Variants in ARID2 observed in about 807,000 individuals in gnomAD.
ARID2 encodes AT-rich interactive domain-containing protein 2.
A neutral mutation model predicts 184.6 loss-of-function variants in ARID2; 32 were observed. The ratio of observed to expected loss-of-function variants is 0.17; its 90% CI spans 0.13 to 0.23. The LOEUF (loss-of-function observed/expected upper bound fraction) is 0.23. Ranked by LOEUF, ARID2 falls within the 10% of genes least tolerant of loss-of-function variation. The pLI is 1.00. For missense variants in ARID2, 1,696 were observed against 2,197.6 expected (o/e 0.77, Z 4.56); for synonymous variants, 836 against 772.6 (o/e 1.08, Z -1.36).
intron 3 of ARID2, among the ~76,000 whole-genome samples, chr12:45,798,395 C>G (rs371848862): frequency 6.6e-6 from 1 of 152,142 alleles, no homozygotes. Context: ...TACAGGAAAT[C>G]TGGAAAACCA....
chr12:45,868,604 T>A (rs1399961925), intron 16 of ARID2, among the ~76,000 whole-genome samples: 1 of 152,246 alleles, frequency 6.6e-6, no homozygotes, highest in Non-Finnish European at 1.5e-5. Flanking sequence ...ATTTTTTGCT[T>A]TGTAATACAT....
At chr12:45,830,633 CT>C (rs537996063) in intron 6 of ARID2, among the ~76,000 whole-genome samples, 38 of 149,220 alleles carry the variant, frequency 2.5e-4, no homozygotes, top group South Asian at 1.1e-3. Flanking sequence ...GAATTATATA[CT>C]TTTTTTTTTA....
At chr12:45,876,077 C>T (rs978863069) in intron 16 of ARID2, among the ~76,000 whole-genome samples, 7 of 152,230 alleles carry the variant, frequency 4.6e-5, no homozygotes, top group Non-Finnish European at 1.0e-4. Context: ...TAAACTTAAT[C>T]ATTTCTAGCT....
At chr12:45,825,574 A>T (rs1410548285) in intron 6 of ARID2, among the ~76,000 whole-genome samples, 1 of 152,180 alleles carries the variant, frequency 6.6e-6, no homozygotes, top group Non-Finnish European at 1.5e-5. Flanking sequence ...AGTCTATTTT[A>T]AGTATTATAA....
chr12:45,842,292 TG>T (rs1943360217), intron 11 of ARID2: 1 of 151,092 alleles, frequency 6.6e-6, no homozygotes, highest in Non-Finnish European at 1.5e-5. Flanking sequence ...CACACATATG[TG>T]TGTGTATATA....
In ARID2 at chr12:45,729,713, C is replaced by G; in HGVS notation, c.-124C>G. 1.1e-6 allele frequency: 1 copy of G among 907,676 alleles called. No homozygotes were observed. The highest frequency in any genetic ancestry group is 1.7e-5 in the South Asian group (1 of 59,168). The allele number at this position is 907,676 out of a possible 1,614,324, so 56.2% of individuals were successfully genotyped here. A position where few individuals can be genotyped will look rare whatever the true frequency, so the allele number is the denominator to read the frequency against. ...GCCGCCGCCGCCGCCACCGCCGGCC[C>G]ATGACTGAGCCCCGCCGCCGCCGGC... On this transcript the variant is annotated 5_prime_UTR_variant, in exon 1 of 21. Coordinates refer to ENST00000334344, the MANE Select transcript of ARID2 (RefSeq NM_152641.4).
intron 3 of ARID2, among the ~76,000 whole-genome samples, chr12:45,767,466 T>C (rs1268847365): frequency 6.6e-6 from 1 of 152,186 alleles, no homozygotes; most frequent in Non-Finnish European, 1.5e-5. Flanking sequence ...TTTCCATGCT[T>C]TGAATAATCC....
intron 3 of ARID2, among the ~76,000 whole-genome samples, chr12:45,782,418 G>C (rs891623867): frequency 6.6e-6 from 1 of 152,106 alleles, no homozygotes; most frequent in African/African-American, 2.4e-5. Flanking sequence ...GATCACCTGA[G>C]GTGAGGAGTT....
intron 3 of ARID2, among the ~76,000 whole-genome samples, chr12:45,794,330 A>G (rs1466518977): frequency 6.6e-6 from 1 of 152,220 alleles, no homozygotes; most frequent in Non-Finnish European, 1.5e-5. Flanking sequence ...ACCTCAGCGT[A>G]TGATTTTTTC....
chr12:45,811,630 C>G (rs1942710719), intron 4 of ARID2, 79 bp downstream of exon 4: 1 of 1,479,958 alleles, frequency 6.8e-7, no homozygotes. Flanking sequence ...ATGAGTTAGT[C>G]CCTTCCTTTG....
At chr12:45,811,280 CTAATA>C in intron 3 of ARID2, 133 bp from the exon 4 acceptor site, 1 of 883,276 alleles carries the variant, frequency 1.1e-6, no homozygotes, top group Non-Finnish European at 1.6e-6. Context: ...AGTTACTGTT[CTAATA>C]TAAGAGGTTT....
chr12:45,837,960 A>G (rs1410695924), intron 10 of ARID2, among the ~76,000 whole-genome samples: 4 of 152,240 alleles, frequency 2.6e-5, no homozygotes, highest in Non-Finnish European at 4.4e-5. Flanking sequence ...AATTTGAAAT[A>G]TACAACTCTG....
chr12:45,731,129 T>A (rs1157437996), intron 2 of ARID2, 88 bp from the exon 3 acceptor site: 7 of 957,002 alleles, frequency 7.3e-6, no homozygotes, highest in Non-Finnish European at 1.2e-5. Context: ...TATCTACAGA[T>A]CTCTGTAGAA....
rs755117739 is a variant in ARID2, at chr12:45,849,611, G to A, written c.1747G>A (p.Val583Met). ...TVFPNHTVKR[V>M]EDSSSNGQAH... ...CTTTCCAAATCATACAGTGAAGAGA[G>A]TGGAGGATTCCAGTAGCAATGGGCA... is the stretch of plus-strand genomic sequence containing the variant. Residue 583 changes from valine (V) to methionine (M), a missense_variant, in exon 14 of 21, where the codon GTG becomes ATG. Physicochemically the swap from Val to Met is conservative, Grantham distance 21. Around this residue, in one of 11 missense-constraint regions of ARID2, gnomAD observed 713 missense variants for 824.4 expected, o/e 0.86. Coordinates refer to ENST00000334344, the MANE Select transcript of ARID2 (RefSeq NM_152641.4). The A allele has an allele frequency of 6.2e-7, 1 of 1,613,356 alleles. No homozygotes were observed. Among genetic ancestry groups the A allele is most frequent in the Non-Finnish European group, 8.5e-7 (1 of 1,179,520 alleles).
chr12:45,849,616 G>A lies in ARID2; in HGVS notation c.1752G>A (p.Glu584=), dbSNP rs2138156635. 1 of 1,613,406 alleles carries A rather than the reference G, an allele frequency of 6.2e-7. No individual in the cohort carries two copies. The highest frequency in any genetic ancestry group is 1.1e-5 in the South Asian group (1 of 90,982). The change falls in exon 14 of 21, where the codon GAG becomes GAA. Residue 584 remains glutamate, a synonymous_variant. Coordinates refer to ENST00000334344, the MANE Select transcript of ARID2 (RefSeq NM_152641.4). ...VFPNHTVKRV[E]DSSSNGQAHI... ...CAAATCATACAGTGAAGAGAGTGGAGGATTCCAGTAGCAATGGGCAGGCAC... is the reference window on the plus strand; with the variant it reads ...CAAATCATACAGTGAAGAGAGTGGAAGATTCCAGTAGCAATGGGCAGGCAC...
At chr12:45,750,346 A>G (rs1941438431) in intron 3 of ARID2, among the ~76,000 whole-genome samples, 1 of 152,202 alleles carries the variant, frequency 6.6e-6, no homozygotes, top group African/African-American at 2.4e-5. Context: ...CAAATAGAAT[A>G]TTAGCATCAA....
intron 16 of ARID2, chr12:45,881,129 G>A (rs1944092578): frequency 6.5e-6 from 1 of 154,258 alleles, no homozygotes; most frequent in Non-Finnish European, 1.4e-5. Flanking sequence ...GTCATGCTAG[G>A]GGGGCAGCTG....
In ARID2 at chr12:45,850,325, T is replaced by C; in HGVS notation, c.2202T>C (p.Val734=). Residue 734 remains valine (V), a synonymous_variant, in exon 15 of 21, where the codon GTT becomes GTC. Coordinates refer to ENST00000334344, the MANE Select transcript of ARID2 (RefSeq NM_152641.4). ...CAGGAGTTCCTGTTAGTATTGCTGT[T>C]GGAGGAGGACCTCCACAGAGTTCTG... ...PQTGVPVSIA[V]GGGPPQSSVV... is the part of the protein sequence containing the mutation. The C allele has an allele frequency of 6.2e-7, 1 of 1,614,140 alleles. No individual in the cohort carries two copies. Among genetic ancestry groups the C allele is most frequent in the Non-Finnish European group, 8.5e-7 (1 of 1,179,992 alleles).
intron 16 of ARID2, among the ~76,000 whole-genome samples, chr12:45,884,601 A>T (rs937562566): frequency 2.6e-5 from 4 of 152,212 alleles, no homozygotes; most frequent in Non-Finnish European, 4.4e-5. Context: ...TGCTTCACAG[A>T]CCGGCGGGTT....
Sources: allele counts gnomAD v4.1 joint callset (sites outside exome capture counted in the v4.1 genomes callset), GRCh38; gene constraint gnomAD v4.1.1; regional missense constraint gnomAD v4.1.1; transcripts MANE v1.5; gene names NCBI Gene and HGNC (gene_info 2026-07-23, HGNC 2026-07-21).